PODXL: variants seen among roughly 807,000 people sequenced by gnomAD.
PODXL encodes the protein podocalyxin.
PODXL carries 20 observed loss-of-function variants against 48.9 expected under a neutral mutation model. The observed-to-expected ratio is 0.41, with a 90% CI of 0.29 to 0.59. The LOEUF (loss-of-function observed/expected upper bound fraction) is 0.59. Among genes scored for constraint, PODXL ranks in the 20% least tolerant of loss-of-function variants. The pLI, the probability that PODXL is intolerant of heterozygous loss-of-function variation, is 0.31. For synonymous variants in PODXL, 295 were observed against 287.4 expected, an observed-to-expected ratio of 1.03 and a Z score of -0.27; for missense variants, 606 against 675.1, an observed-to-expected ratio of 0.90 and a Z score of 1.13.
intron 1 of PODXL, among the ~76,000 whole-genome samples, chr7:131,532,128 T>G (rs1050056698): frequency 2.9e-5 from 4 of 136,734 alleles, no homozygotes; most frequent in Non-Finnish European, 6.3e-5. Flanking sequence ...ATAATAATCA[T>G]CATCATCATC....
intron 1 of PODXL, among the ~76,000 whole-genome samples, chr7:131,552,673 G>C (rs1394311098): frequency 1.1e-4 from 16 of 152,112 alleles, no homozygotes; most frequent in Non-Finnish European, 2.2e-4. Context: ...TTTTGGGTCT[G>C]CCCTTGAATG....
intron 1 of PODXL, among the ~76,000 whole-genome samples, chr7:131,549,394 T>C (rs112658418): frequency 3.3e-5 from 5 of 152,228 alleles, no homozygotes; most frequent in African/African-American, 1.2e-4. Flanking sequence ...GTGGTTCCAA[T>C]CAGTGTGTTG....
intron 1 of PODXL, among the ~76,000 whole-genome samples, chr7:131,547,523 C>A (rs1307720434): frequency 6.6e-6 from 1 of 152,162 alleles, no homozygotes. Flanking sequence ...AGGAACAAGT[C>A]TGAGATCACA....
At chr7:131,532,565 T>C (rs1798300396) in intron 1 of PODXL, among the ~76,000 whole-genome samples, 1 of 149,626 alleles carries the variant, frequency 6.7e-6, no homozygotes, top group Non-Finnish European at 1.5e-5. Flanking sequence ...ATCTGGAAAA[T>C]AGGGGGTAGT....
intron 1 of PODXL, among the ~76,000 whole-genome samples, chr7:131,516,918 CTA>C (rs1285854926): frequency 5.9e-5 from 9 of 151,890 alleles, no homozygotes; most frequent in African/African-American, 1.7e-4. Context: ...CAGGATCTCC[CTA>C]TGTTGCCCAG....
rs1367940971 is a variant in PODXL, at chr7:131,504,472, C to T, written c.1516G>A (p.Gly506Ser). 1 of 1,614,220 alleles carries T rather than the reference C, an allele frequency of 6.2e-7. No individual in the cohort carries two copies. Among genetic ancestry groups the T allele is most frequent in the South Asian group, 1.1e-5 (1 of 91,086 alleles). The change falls in exon 9 of 9, where the codon GGT becomes AGT. Residue 506 changes from glycine to serine, a missense_variant. Gly to Ser is a moderately conservative substitution (Grantham distance 56). Coordinates refer to ENST00000378555, the MANE Select transcript of PODXL (RefSeq NM_001018111.3). ...TCCAGTGTTGGGTTGTCATGGTAACCATTCTCCACTGTCTGCAGCTCCTCT... is the reference window on the plus strand; with the variant it reads ...TCCAGTGTTGGGTTGTCATGGTAACTATTCTCCACTGTCTGCAGCTCCTCT... ...LTEELQTVEN[G>S]YHDNPTLEVM...
At chr7:131,509,755 A>G (rs1000833058) in intron 3 of PODXL, among the ~76,000 whole-genome samples, 170 bp from the exon 4 acceptor site, 2 of 152,150 alleles carry the variant, frequency 1.3e-5, no homozygotes, top group East Asian at 1.9e-4. Flanking sequence ...GCAAAGTCAC[A>G]GCAGCCGCAG....
rs574149313 is a variant in PODXL, at chr7:131,511,265, G to A, written c.269C>T (p.Pro90Leu). The change falls in exon 2 of 9, where the codon CCG becomes CTG. Residue 90 changes from proline (P) to leucine (L), a missense_variant. Pro to Leu is a moderately conservative substitution (Grantham distance 98, BLOSUM62 -3). Transcript: ENST00000378555. ...TTGCTGAGCCAGGGTTGTAGTCCCC[G>A]GTGAGTCACTGGATACACCAAGGGT... Reference protein sequence around the residue: ...ATTLGVSSDSPGTTTLAQQVS... With the variant: ...ATTLGVSSDSLGTTTLAQQVS... The A allele has an allele frequency of 3.3e-5, 53 of 1,614,030 alleles. No homozygotes were observed. In the Admixed American group the frequency reaches 3.5e-4, roughly 11 times the overall value.
chr7:131,533,952 C>G (rs1798325611), intron 1 of PODXL, among the ~76,000 whole-genome samples: 1 of 152,200 alleles, frequency 6.6e-6, no homozygotes, highest in Non-Finnish European at 1.5e-5. Context: ...AACTCTATAC[C>G]TTTGAGTACT....
At chr7:131,517,898 C>T (rs1053346365) in intron 1 of PODXL, among the ~76,000 whole-genome samples, 1 of 152,120 alleles carries the variant, frequency 6.6e-6, no homozygotes, top group African/African-American at 2.4e-5. Flanking sequence ...ACCACTACAC[C>T]AGGCTAATTT....
At chr7:131,507,388 T>C (rs981332327) in intron 5 of PODXL, among the ~76,000 whole-genome samples, 1 of 152,100 alleles carries the variant, frequency 6.6e-6, no homozygotes, top group African/African-American at 2.4e-5. Flanking sequence ...AGAACAAAGA[T>C]TGTGGCTGAC....
At chr7:131,550,488 C>G (rs1316364968) in intron 1 of PODXL, among the ~76,000 whole-genome samples, 1 of 152,060 alleles carries the variant, frequency 6.6e-6, no homozygotes, top group Non-Finnish European at 1.5e-5. Flanking sequence ...GACCCTATTT[C>G]TACAGAAATT....
At position 131,502,536 on chromosome 7, in the gene PODXL, C is replaced by T. The variant is rs1000442174; in HGVS notation, c.*1775G>A. On this transcript the variant is annotated 3_prime_UTR_variant, in exon 9 of 9. Transcript: ENST00000378555. The stretch of plus-strand genomic sequence containing the variant: ...CTACCCTTTTAAAAAGTAAGCCATC[C>T]CGAGTGGATAGCCTATTTCATCAGA... 2.6e-5 allele frequency: 4 copies of T among 152,180 alleles called. No individual in the cohort carries two copies. Among genetic ancestry groups the T allele is most frequent in the African/African-American group, 7.2e-5 (3 of 41,414 alleles). The allele number at this position is 152,180 out of a possible 1,614,324, so 9.4% of individuals were successfully genotyped here.
rs747527430 is a variant in PODXL, at chr7:131,509,291, C to T, written c.1023+74G>A. The T allele has an allele frequency of 4.1e-6, 5 of 1,232,818 alleles. No homozygotes were observed. The East Asian group carries it at 7.0e-5, about 17-fold the overall frequency. 76.4% of individuals were successfully genotyped at this position (1,232,818 alleles called of 1,614,324 possible). A position where few individuals can be genotyped will look rare whatever the true frequency, so the allele number is the denominator to read the frequency against. The stretch of plus-strand genomic sequence containing the variant: ...AGGGGCCCTGCGTTGGAGGAAAGAA[C>T]AGAAAACCTTGTCTTAAAGCCTCTT... On this transcript the variant is annotated intron_variant, in intron 4 of 8. Transcript: ENST00000378555.
chr7:131,516,068 G>T (rs905876876), intron 1 of PODXL, among the ~76,000 whole-genome samples: 1 of 152,218 alleles, frequency 6.6e-6, no homozygotes, highest in African/African-American at 2.4e-5. Flanking sequence ...TTTACATCAG[G>T]CTGAATTACC....
chr7:131,505,086 T>C (rs1037776537), intron 8 of PODXL, among the ~76,000 whole-genome samples: 1 of 152,120 alleles, frequency 6.6e-6, no homozygotes, highest in Non-Finnish European at 1.5e-5. Context: ...TGGGAGGCAG[T>C]CAGGCAAGGG....
At chr7:131,531,908 T>TG (rs1013783509) in intron 1 of PODXL, among the ~76,000 whole-genome samples, 18 of 150,266 alleles carry the variant, frequency 1.2e-4, no homozygotes, top group African/African-American at 4.2e-4. Flanking sequence ...GTTGGGAGTT[T>TG]GAGACCACCC....
At chr7:131,538,122 A>G (rs905201138) in intron 1 of PODXL, among the ~76,000 whole-genome samples, 2 of 152,152 alleles carry the variant, frequency 1.3e-5, no homozygotes, top group African/African-American at 2.4e-5. Context: ...TGCAGAGTAC[A>G]GGAGGGAGAT....
In PODXL at chr7:131,505,884, G is replaced by C. The variant is rs1190671658; in HGVS notation, c.1463C>G (p.Ser488Cys). The change falls in exon 8 of 9, where the codon TCC becomes TGC. Residue 488 changes from serine to cysteine, a missense_variant. Transcript: ENST00000378555. ...ALYGCCHQRL[S>C]QRKDQQRLTE... is the part of the protein sequence containing the mutation. Reference sequence around the variant, plus strand: ...GCTGCTTACCTGGTCCTTCCTCTGGGAGAGGCGCTGGTGGCAGCAGCCATA... The same window carrying C: ...GCTGCTTACCTGGTCCTTCCTCTGGCAGAGGCGCTGGTGGCAGCAGCCATA... The C allele has an allele frequency of 6.4e-7, 1 of 1,566,904 alleles. No homozygotes were observed. The highest frequency in any genetic ancestry group is 8.7e-7 in the Non-Finnish European group (1 of 1,155,660).
Sources: allele counts gnomAD v4.1 joint callset (sites outside exome capture counted in the v4.1 genomes callset), GRCh38; gene constraint gnomAD v4.1.1; transcripts MANE v1.5; gene names NCBI Gene and HGNC (gene_info 2026-07-23, HGNC 2026-07-21).